UBR4: variants seen among roughly 807,000 people sequenced by gnomAD.
UBR4 encodes ubiquitin protein ligase E3 component n-recognin 4.
Under a neutral mutation model 575.6 loss-of-function variants are expected in UBR4, and 124 were observed. The observed-to-expected ratio is 0.22, with a 90% CI of 0.19 to 0.25. The LOEUF is 0.25. Among genes scored for constraint, UBR4 ranks in the 10% least tolerant of loss-of-function variants. UBR4 has a pLI of 1.00. For synonymous variants in UBR4, 2,455 were observed against 2,473.7 expected, an observed-to-expected ratio of 0.99 and a Z score of 0.22; for missense variants, 4,818 against 6,478.8, an observed-to-expected ratio of 0.74 and a Z score of 8.80.
At chr1:19,186,181 C>T (rs754583524) in intron 14 of UBR4, among the ~76,000 whole-genome samples, 5 of 152,120 alleles carry the variant, frequency 3.3e-5, no homozygotes, top group Non-Finnish European at 7.4e-5. Flanking sequence ...ACATCCAAAC[C>T]GAACACCTCA....
intron 87 of UBR4, among the ~76,000 whole-genome samples, chr1:19,102,685 G>A (rs2078765607): frequency 1.3e-5 from 2 of 152,182 alleles, no homozygotes; most frequent in Admixed American, 6.5e-5. Context: ...TTTGCGTTGA[G>A]CTTTGGTTTC....
At position 19,078,084 on chromosome 1, in the gene UBR4, G is replaced by C. The variant is rs899327116; in HGVS notation, c.15234-18C>G. On this transcript the variant is annotated intron_variant, in intron 103 of 105. Transcript: ENST00000375254. ...CTGTCAGCCTGGAAAAGAAAATCCA[G>C]TTCCATCACATGAAGTCCCTAGGAG... 1 of 1,612,316 alleles carries C rather than the reference G, an allele frequency of 6.2e-7. No individual in the cohort carries two copies. Among genetic ancestry groups the C allele is most frequent in the African/African-American group, 1.3e-5 (1 of 74,834 alleles).
At position 19,139,064 on chromosome 1, in the gene UBR4, C is replaced by G; in HGVS notation, c.8731+19G>C. The G allele has an allele frequency of 6.3e-7, 1 of 1,598,576 alleles. No individual in the cohort carries two copies. The highest frequency in any genetic ancestry group is 8.5e-7 in the Non-Finnish European group (1 of 1,170,486). On this transcript the variant is annotated intron_variant, in intron 59 of 105. Transcript: ENST00000375254. The surrounding 1 kb of genome is among the most constrained non-coding windows in gnomAD (Gnocchi z 4.2). ...CACCCTCTGCCCAAGGAGACAGGAC[C>G]CCCGCCATGGCACATTACCACTGTG...
chr1:19,164,436 A>G lies in UBR4; in HGVS notation c.4517T>C (p.Val1506Ala), dbSNP rs2087935687. 21 of 1,613,344 alleles carry G rather than the reference A, an allele frequency of 1.3e-5. No individual in the cohort carries two copies. Among genetic ancestry groups the G allele is most frequent in the Non-Finnish European group, 1.7e-5 (20 of 1,179,674 alleles). Reference sequence around the variant, plus strand: ...AAGAACAGCACACACACCTTCCCCAACTTGGCTAGGAGAAAAGAAAGAGCA... The same window carrying G: ...AAGAACAGCACACACACCTTCCCCAGCTTGGCTAGGAGAAAAGAAAGAGCA... ...TTYIVRENSQ[V>A]GEGVCAVLLG... Residue 1506 changes from valine to alanine, a missense_variant, in exon 33 of 106, where the codon GTT becomes GCT. By Grantham distance (64) the Val-to-Ala change is moderately conservative (BLOSUM62 0). Coordinates refer to ENST00000375254, the MANE Select transcript of UBR4 (RefSeq NM_020765.3).
At chr1:19,158,257 T>G (rs933743013) in intron 39 of UBR4, among the ~76,000 whole-genome samples, 57 of 152,210 alleles carry the variant, frequency 3.7e-4, no homozygotes, top group African/African-American at 1.4e-3. Flanking sequence ...ATGTCCAATC[T>G]CTTACAAATT....
chr1:19,081,789 C>G, intron 102 of UBR4: 2 of 694,274 alleles, frequency 2.9e-6, no homozygotes, highest in Non-Finnish European at 5.3e-6. Context: ...GGCATCTTCC[C>G]TTCTTCCCTG....
intron 99 of UBR4, 43 bp from the exon 100 acceptor site, chr1:19,086,864 A>G (rs1449686382): frequency 6.2e-7 from 1 of 1,607,314 alleles, no homozygotes; most frequent in Admixed American, 1.7e-5. Flanking sequence ...AGAAACTCCA[A>G]GTCAGGCTCA....
At chr1:19,105,246 C>T in intron 84 of UBR4, 57 bp from the exon 85 acceptor site, 2 of 1,555,972 alleles carry the variant, frequency 1.3e-6, no homozygotes, top group Non-Finnish European at 1.7e-6. Context: ...TCGAACAGCT[C>T]CAAGGCTCCC....
intron 43 of UBR4, 141 bp downstream of exon 43, chr1:19,155,300 G>T: frequency 9.4e-7 from 1 of 1,069,464 alleles, no homozygotes; most frequent in Non-Finnish European, 1.3e-6. Context: ...AAAGTTAGAT[G>T]GAAAAACAAA....
chr1:19,128,158 G>A (rs2082027930), intron 62 of UBR4, 53 bp downstream of exon 62: 2 of 1,543,376 alleles, frequency 1.3e-6, no homozygotes, highest in African/African-American at 1.4e-5. Context: ...GGGAACCTGA[G>A]AAAGGATCTC....
chr1:19,100,063 G>C lies in UBR4; in HGVS notation c.13221+313C>G, dbSNP rs1199636206. ...AAACGCCAATATTTAGGGGGCTCAG[G>C]TAACTCAGACTCACCGAGAAGTCTC... On this transcript the variant is annotated intron_variant, in intron 89 of 105. Coordinates refer to ENST00000375254, the MANE Select transcript of UBR4 (RefSeq NM_020765.3). The surrounding 1 kb of genome is among the most constrained non-coding windows in gnomAD (Gnocchi z 4.2). 2.3e-6 allele frequency: 1 copy of C among 436,924 alleles called. No homozygotes were observed. The highest frequency in any genetic ancestry group is 2.0e-5 in the African/African-American group (1 of 50,296). The allele number at this position is 436,924 out of a possible 1,614,324, so 27.1% of individuals were successfully genotyped here. A position where few individuals can be genotyped will look rare whatever the true frequency, so the allele number is the denominator to read the frequency against.
chr1:19,114,169 G>A, intron 75 of UBR4, 99 bp from the exon 76 acceptor site: 3 of 1,465,610 alleles, frequency 2.0e-6, no homozygotes, highest in South Asian at 2.6e-5. Flanking sequence ...ATTTCCTATA[G>A]GTCAGGCACT....
Position 19,100,099 on chromosome 1 carries a change from A to C in UBR4, c.13221+277T>G, listed in dbSNP as rs1455232205. 6.1e-6 allele frequency: 3 copies of C among 494,470 alleles called. No homozygotes were observed. Among genetic ancestry groups the C allele is most frequent in the Non-Finnish European group, 7.2e-6 (2 of 279,352 alleles). The allele number at this position is 494,470 out of a possible 1,614,324, so 30.6% of individuals were successfully genotyped here. On this transcript the variant is annotated intron_variant, in intron 89 of 105. Coordinates refer to ENST00000375254, the MANE Select transcript of UBR4 (RefSeq NM_020765.3). This position sits in a 1 kb window ranked among gnomAD's most constrained non-coding sequence, Gnocchi z 4.2. ...TCACCGAGAAGTCTCTGCCAGAGGC[A>C]ATAACGATAATAAATACCCACCACC...
At chr1:19,180,974 TCTCA>T (rs1466080131) in intron 17 of UBR4, among the ~76,000 whole-genome samples, 1 of 152,176 alleles carries the variant, frequency 6.6e-6, no homozygotes, top group Non-Finnish European at 1.5e-5. Flanking sequence ...ATCTTGCTAG[TCTCA>T]CTGTTTCTCA....
rs760323167 is a variant in UBR4, at chr1:19,139,048, C to T, written c.8731+35G>A. 1 of 1,582,384 alleles carries T rather than the reference C, an allele frequency of 6.3e-7. No homozygotes were observed. Among genetic ancestry groups the T allele is most frequent in the Non-Finnish European group, 8.6e-7 (1 of 1,161,242 alleles). Reference sequence around the variant, plus strand: ...ATTCCTGTTTTGTCCCCACCCTCTGCCCAAGGAGACAGGACCCCCGCCATG... The same window carrying T: ...ATTCCTGTTTTGTCCCCACCCTCTGTCCAAGGAGACAGGACCCCCGCCATG... On this transcript the variant is annotated intron_variant, in intron 59 of 105. Transcript: ENST00000375254. The surrounding 1 kb of genome is among the most constrained non-coding windows in gnomAD (Gnocchi z 4.2).
In UBR4 at chr1:19,139,906, G is replaced by A. The variant is rs571272518; in HGVS notation, c.8594-686C>T. On this transcript the variant is annotated intron_variant, in intron 58 of 105. Transcript: ENST00000375254. This position sits in a 1 kb window ranked among gnomAD's most constrained non-coding sequence, Gnocchi z 4.2. ...CTGAGACAGGAGGAAAATGCTGGAT[G>A]AGATACATGGGGGAGGAAAGCCAAG... Among the ~76,000 whole-genome samples the A allele has an allele frequency of 7.8e-4, 118 of 152,156 alleles. No individual in the cohort carries two copies. The highest frequency in any genetic ancestry group is 1.4e-3 in the Non-Finnish European group (95 of 68,026).
chr1:19,150,524 T>C lies in UBR4; in HGVS notation c.7430+53A>G, dbSNP rs1258203885. The C allele has an allele frequency of 1.9e-6, 3 of 1,579,592 alleles. No homozygotes were observed. The African/African-American group carries it at 4.0e-5, about 21-fold the overall frequency. ...GCTCTCTCAAGACACAGGAAGGTTCTGCAGTGAGTGGAATATGTAAAAACT... is the reference window on the plus strand; with the variant it reads ...GCTCTCTCAAGACACAGGAAGGTTCCGCAGTGAGTGGAATATGTAAAAACT... On this transcript the variant is annotated intron_variant, in intron 49 of 105. Coordinates refer to ENST00000375254, the MANE Select transcript of UBR4 (RefSeq NM_020765.3).
intron 28 of UBR4, among the ~76,000 whole-genome samples, chr1:19,167,551 T>C (rs552775591): frequency 2.3e-3 from 348 of 152,318 alleles, no homozygotes; most frequent in African/African-American, 7.4e-3. Context: ...AAGTATTCCA[T>C]CCCAGACAAG....
chr1:19,076,980 T>A, intron 104 of UBR4, 78 bp from the exon 105 acceptor site: 1 of 1,463,784 alleles, frequency 6.8e-7, no homozygotes, highest in Non-Finnish European at 9.2e-7. Flanking sequence ...AGTCAGGCCA[T>A]TTCAACCCCT....
Sources: allele counts gnomAD v4.1 joint callset (sites outside exome capture counted in the v4.1 genomes callset), GRCh38; gene constraint gnomAD v4.1.1; non-coding constraint Gnocchi (gnomAD v3.1); transcripts MANE v1.5; gene names NCBI Gene and HGNC (gene_info 2026-07-23, HGNC 2026-07-21).